The following MSI2 variants were observed in gnomAD, a reference collection of about 807,000 sequenced individuals.
MSI2 encodes the protein RNA-binding protein Musashi homolog 2.
A neutral mutation model predicts 45.6 loss-of-function variants in MSI2; 17 were observed. That is an observed-to-expected ratio of 0.37 (90% CI 0.26 to 0.56). MSI2 has a LOEUF of 0.56. Ranked by LOEUF, MSI2 falls within the 20% of genes least tolerant of loss-of-function variation. The pLI, the probability that MSI2 is intolerant of heterozygous loss-of-function variation, is 0.77. For missense variants in MSI2, 293 were observed against 444.2 expected, an observed-to-expected ratio of 0.66 and a Z score of 3.06; for synonymous variants, 156 against 158.2, an observed-to-expected ratio of 0.99 and a Z score of 0.11.
chr17:57,570,741 A>G (rs533319439), intron 7 of MSI2, among the ~76,000 whole-genome samples: 3 of 152,296 alleles, frequency 2.0e-5, no homozygotes, highest in South Asian at 4.1e-4. Context: ...GCCCACTGCA[A>G]TTGCTCATAT....
intron 7 of MSI2, among the ~76,000 whole-genome samples, chr17:57,539,973 G>A (rs1014777213): frequency 6.6e-6 from 1 of 152,204 alleles, no homozygotes; most frequent in African/African-American, 2.4e-5. Context: ...AGGAGTCAAG[G>A]CAACACCCGG....
intron 5 of MSI2, among the ~76,000 whole-genome samples, chr17:57,288,405 C>A (rs1910113277): frequency 6.6e-6 from 1 of 152,192 alleles, no homozygotes; most frequent in Admixed American, 6.5e-5. Flanking sequence ...CTTCCAGGCC[C>A]TGAAAGGTTA....
At chr17:57,293,184 G>A (rs966675436) in intron 5 of MSI2, among the ~76,000 whole-genome samples, 2 of 152,158 alleles carry the variant, frequency 1.3e-5, no homozygotes, top group African/African-American at 4.8e-5. Flanking sequence ...ACCCCTGGGT[G>A]AACTGAGAAT....
rs573682731 is a variant in MSI2, at chr17:57,320,752, G to C, written c.312+58560G>C. Among the ~76,000 whole-genome samples the C allele has an allele frequency of 4.6e-4, 70 of 152,264 alleles. 1 individual carries two copies. Among genetic ancestry groups the C allele is most frequent in the South Asian group, 6.2e-4 (3 of 4,830 alleles). On this transcript the variant is annotated intron_variant, in intron 5 of 13. Transcript: ENST00000284073. ...CCCCGTCTTAGGGTACATACAGAAA[G>C]AAATACTAAGCGGACTCTTGCTGTC...
intron 5 of MSI2, among the ~76,000 whole-genome samples, chr17:57,289,334 T>C (rs986324023): frequency 5.3e-5 from 8 of 152,218 alleles, no homozygotes. Flanking sequence ...TCCTGGGCTC[T>C]TGGCAGTCCT....
At chr17:57,421,575 A>G (rs555267314) in intron 6 of MSI2, among the ~76,000 whole-genome samples, 7 of 152,104 alleles carry the variant, frequency 4.6e-5, no homozygotes, top group African/African-American at 1.4e-4. Flanking sequence ...CAGGCACAGT[A>G]TACTTTTACT....
chr17:57,621,940 T>A (rs572147590), intron 9 of MSI2, among the ~76,000 whole-genome samples: 2 of 152,202 alleles, frequency 1.3e-5, no homozygotes, highest in Non-Finnish European at 2.9e-5. Context: ...GTGCAGTGGC[T>A]CATGCCTCTA....
chr17:57,486,358 AGTCTC>A (rs2085755002), intron 6 of MSI2, among the ~76,000 whole-genome samples: 1 of 152,230 alleles, frequency 6.6e-6, no homozygotes, highest in Admixed American at 6.5e-5. Flanking sequence ...AAATGAGCTG[AGTCTC>A]CTTTCTATAG....
At chr17:57,444,932 CAGG>C (rs1375911410) in intron 6 of MSI2, among the ~76,000 whole-genome samples, 3 of 152,156 alleles carry the variant, frequency 2.0e-5, no homozygotes. Flanking sequence ...AGCACTCAAA[CAGG>C]AGGACCCATC....
At chr17:57,501,656 G>C (rs1272833354) in intron 6 of MSI2, among the ~76,000 whole-genome samples, 1 of 152,216 alleles carries the variant, frequency 6.6e-6, no homozygotes, top group African/African-American at 2.4e-5. Context: ...CAAATGAACA[G>C]TATGTGTGCT....
intron 8 of MSI2, among the ~76,000 whole-genome samples, chr17:57,604,874 A>C (rs79458565): frequency 2.0e-5 from 3 of 148,952 alleles, no homozygotes; most frequent in African/African-American, 4.9e-5. Flanking sequence ...TGATTGGCTC[A>C]CCCCCCCACT....
intron 5 of MSI2, among the ~76,000 whole-genome samples, chr17:57,379,127 T>C (rs1444650501): frequency 6.6e-6 from 1 of 151,174 alleles, no homozygotes; most frequent in African/African-American, 2.4e-5. Flanking sequence ...CCCAGACCCT[T>C]CAGGAACAAA....
the MSI2 span, among the ~76,000 whole-genome samples, chr17:57,699,498 T>G: frequency 6.6e-6 from 1 of 152,042 alleles, no homozygotes; most frequent in Non-Finnish European, 1.5e-5. Flanking sequence ...CCCTCAAGTC[T>G]GAGAGATACT....
chr17:57,320,282 C>G (rs1242069863), intron 5 of MSI2, among the ~76,000 whole-genome samples: 3 of 152,102 alleles, frequency 2.0e-5, no homozygotes, highest in Non-Finnish European at 2.9e-5. Flanking sequence ...GGAGGTTGAT[C>G]TGTATGAGGA....
At chr17:57,512,749 T>C (rs1367642689) in intron 6 of MSI2, among the ~76,000 whole-genome samples, 2 of 152,152 alleles carry the variant, frequency 1.3e-5, no homozygotes, top group Non-Finnish European at 2.9e-5. Context: ...AAAGTGGCCA[T>C]TGTGTCTCAT....
intron 10 of MSI2, among the ~76,000 whole-genome samples, chr17:57,645,871 A>G (rs929110520): frequency 3.9e-5 from 6 of 152,212 alleles, no homozygotes; most frequent in African/African-American, 1.4e-4. Flanking sequence ...ATCAGCACCC[A>G]TACAGAGCAG....
intron 6 of MSI2, among the ~76,000 whole-genome samples, chr17:57,521,356 G>A (rs184249032): frequency 1.8e-4 from 28 of 152,292 alleles, no homozygotes; most frequent in African/African-American, 6.0e-4. Context: ...TCCCTTTCTC[G>A]TGGGGTTATT....
At chr17:57,635,898 C>A (rs1909797794) in intron 10 of MSI2, among the ~76,000 whole-genome samples, 1 of 152,244 alleles carries the variant, frequency 6.6e-6, no homozygotes. Flanking sequence ...CCAGGAAGGA[C>A]TCACGGCCTG....
chr17:57,357,708 G>C (rs1916535335), intron 5 of MSI2, among the ~76,000 whole-genome samples: 1 of 152,162 alleles, frequency 6.6e-6, no homozygotes, highest in African/African-American at 2.4e-5. Flanking sequence ...TTTCAGTTGA[G>C]GGGCTTTTGT....
Sources: allele counts gnomAD v4.1 joint callset (sites outside exome capture counted in the v4.1 genomes callset), GRCh38; gene constraint gnomAD v4.1.1; transcripts MANE v1.5; gene names NCBI Gene and HGNC (gene_info 2026-07-23, HGNC 2026-07-21).